Variants in ONECUT1 observed in about 807,000 individuals in gnomAD.
ONECUT1 encodes the protein one cut homeobox 1.
A neutral mutation model predicts 25.6 loss-of-function variants in ONECUT1; 12 were observed. That is an observed-to-expected ratio of 0.47 (90% CI 0.30 to 0.76). The LOEUF is 0.76. Ranked by LOEUF, ONECUT1 falls within the 30% of genes least tolerant of loss-of-function variation. The pLI, the probability that ONECUT1 is intolerant of heterozygous loss-of-function variation, is 0.07. For missense variants in ONECUT1, 620 were observed against 651.2 expected, an observed-to-expected ratio of 0.95 and a Z score of 0.52; for synonymous variants, 285 against 270.2, an observed-to-expected ratio of 1.05 and a Z score of -0.54.
At chr15:52,781,843 G>A (rs1252003059) in intron 1 of ONECUT1, among the ~76,000 whole-genome samples, 1 of 152,100 alleles carries the variant, frequency 6.6e-6, no homozygotes, top group Non-Finnish European at 1.5e-5. Context: ...GGGAACCACT[G>A]GTATAAATGT....
At chr15:52,771,963 T>C (rs956929713) in intron 1 of ONECUT1, among the ~76,000 whole-genome samples, 32 of 152,126 alleles carry the variant, frequency 2.1e-4, no homozygotes, top group African/African-American at 6.8e-4. Flanking sequence ...TTCCTGTGAG[T>C]TCAGGTCCAG....
intron 1 of ONECUT1, among the ~76,000 whole-genome samples, chr15:52,766,414 A>G (rs762923755): frequency 6.6e-6 from 1 of 152,178 alleles, no homozygotes; most frequent in Non-Finnish European, 1.5e-5. Context: ...AGCTGAGGGA[A>G]CGGGTGAAGT....
At chr15:52,765,012 T>A (rs1243963251) in intron 1 of ONECUT1, among the ~76,000 whole-genome samples, 1 of 152,204 alleles carries the variant, frequency 6.6e-6, no homozygotes, top group African/African-American at 2.4e-5. Context: ...CCAGGGCTGC[T>A]ACCCAGATTC....
intron 1 of ONECUT1, among the ~76,000 whole-genome samples, chr15:52,767,572 T>G (rs1470579113): frequency 6.6e-6 from 1 of 152,146 alleles, no homozygotes; most frequent in African/African-American, 2.4e-5. Flanking sequence ...CTTCCCTCCA[T>G]GAAGCTCTCC....
chr15:52,765,846 T>C (rs2083730919), intron 1 of ONECUT1, among the ~76,000 whole-genome samples: 1 of 152,236 alleles, frequency 6.6e-6, no homozygotes, highest in South Asian at 2.1e-4. Context: ...AAGTGGCAAA[T>C]TCAGAGGGCA....
chr15:52,788,926 AG>A lies in ONECUT1; in HGVS notation c.958del (p.Leu320SerfsTer48). 6.2e-7 allele frequency: 1 copy of A among 1,613,812 alleles called. No homozygotes were observed. The highest frequency in any genetic ancestry group is 8.5e-7 in the Non-Finnish European group (1 of 1,179,994). On this transcript the variant is annotated frameshift_variant, in exon 1 of 2. Coordinates refer to ENST00000305901, the MANE Select transcript of ONECUT1 (RefSeq NM_004498.4). LOFTEE classifies it high-confidence loss of function. This position sits in a 1 kb window ranked among gnomAD's most constrained non-coding sequence, Gnocchi z 4.3. ...CGAGAGGGTCCCCTGGGAGCGGCAG[AG>A]CACCCTCTGCGCGAAGATGGCCTGT... ...IPQAIFAQRV[L>X]CRSQGTLSDL...
chr15:52,789,228 T>C lies in ONECUT1; in HGVS notation c.657A>G (p.Glu219=), dbSNP rs762178128. The change falls in exon 1 of 2, where the codon GAA becomes GAG. Residue 219 remains glutamate (E), a synonymous_variant. Transcript: ENST00000305901. The surrounding 1 kb of genome is among the most constrained non-coding windows in gnomAD (Gnocchi z 4.1). ...GGCCGAGCATGGCCGGGTGGTGGGCTTCGAAGCCGTTGGGGGTGAGCATCT... is the reference window on the plus strand; with the variant it reads ...GGCCGAGCATGGCCGGGTGGTGGGCCTCGAAGCCGTTGGGGGTGAGCATCT... ...TDKMLTPNGF[E]AHHPAMLGRH... is the part of the protein sequence containing the mutation. 2.2e-5 allele frequency: 34 copies of C among 1,556,130 alleles called. No homozygotes were observed. The South Asian group carries it at 2.5e-4, about 12-fold the overall frequency.
chr15:52,770,833 C>A (rs940911027), intron 1 of ONECUT1, among the ~76,000 whole-genome samples: 1 of 151,886 alleles, frequency 6.6e-6, no homozygotes, highest in Non-Finnish European at 1.5e-5. Flanking sequence ...ACATCCAGGG[C>A]AAAGGATATG....
At chr15:52,782,859 C>T (rs1413413453) in intron 1 of ONECUT1, among the ~76,000 whole-genome samples, 1 of 152,152 alleles carries the variant, frequency 6.6e-6, no homozygotes, top group Non-Finnish European at 1.5e-5. Flanking sequence ...TTACAAAGAG[C>T]ACAAGCAATG....
rs1566996642 is a variant in ONECUT1, at chr15:52,789,995, C to T, written c.-111G>A. 5 of 1,394,182 alleles carry T rather than the reference C, an allele frequency of 3.6e-6. No individual in the cohort carries two copies. 86.4% of individuals were successfully genotyped at this position (1,394,182 alleles called of 1,614,324 possible). A position where few individuals can be genotyped will look rare whatever the true frequency, so the allele number is the denominator to read the frequency against. ...TCGGCTGCTGGCGACTGTTGCCTTC[C>T]TTCCTCTCACTGTGGGGCTCTGTCT... On this transcript the variant is annotated 5_prime_UTR_variant, in exon 1 of 2. Transcript: ENST00000305901. The surrounding 1 kb of genome is among the most constrained non-coding windows in gnomAD (Gnocchi z 4.1).
chr15:52,757,174 C>T lies in ONECUT1; in HGVS notation c.*381G>A, dbSNP rs2083677806. 2.4e-5 allele frequency: 5 copies of T among 206,830 alleles called. No homozygotes were observed. The highest frequency in any genetic ancestry group is 5.3e-5 in the Admixed American group (1 of 18,860). 12.8% of individuals were successfully genotyped at this position (206,830 alleles called of 1,614,324 possible). A position where few individuals can be genotyped will look rare whatever the true frequency, so the allele number is the denominator to read the frequency against. On this transcript the variant is annotated 3_prime_UTR_variant, in exon 2 of 2. Coordinates refer to ENST00000305901, the MANE Select transcript of ONECUT1 (RefSeq NM_004498.4). ...CACTGGTGGTGGTAGTACTGAGACA[C>T]CATACACCTTCGTGGCATGGTAGAA...
Position 52,789,720 on chromosome 15 carries a change from C to T in ONECUT1, c.165G>A (p.Met55Ile). The change falls in exon 1 of 2, where the codon ATG becomes ATA. Residue 55 changes from methionine (M) to isoleucine (I), a missense_variant. Physicochemically the swap from Met to Ile is conservative, Grantham distance 10 (BLOSUM62 1). Coordinates refer to ENST00000305901, the MANE Select transcript of ONECUT1 (RefSeq NM_004498.4). This position sits in a 1 kb window ranked among gnomAD's most constrained non-coding sequence, Gnocchi z 4.1. ...LPPAHPRSMG[M>I]ASLLDGGSGG... ...CGCTGCCGCCGTCCAGCAGGGACGC[C>T]ATGCCCATGGAGCGCGGGTGCGCGG... 6.9e-7 allele frequency: 1 copy of T among 1,456,736 alleles called. No individual in the cohort carries two copies. The highest frequency in any genetic ancestry group is 9.0e-7 in the Non-Finnish European group (1 of 1,113,290). The allele number at this position is 1,456,736 out of a possible 1,614,324, so 90.2% of individuals were successfully genotyped here.
intron 1 of ONECUT1, among the ~76,000 whole-genome samples, chr15:52,766,553 T>C (rs774373511): frequency 2.4e-4 from 37 of 152,074 alleles, no homozygotes; most frequent in Non-Finnish European, 4.3e-4. Context: ...TCCAGGAAAG[T>C]GGGCTGGATG....
intron 1 of ONECUT1, among the ~76,000 whole-genome samples, chr15:52,766,094 T>A (rs532822218): frequency 6.5e-4 from 99 of 152,308 alleles, no homozygotes; most frequent in African/African-American, 2.3e-3. Context: ...AATAAGAACA[T>A]GCAGAGAGCA....
At position 52,756,109 on chromosome 15, in the gene ONECUT1, T is replaced by A. The variant is rs1188059143; in HGVS notation, c.*1446A>T. Among the ~76,000 whole-genome samples the A allele has an allele frequency of 6.6e-6, 1 of 152,172 alleles. No individual in the cohort carries two copies. The highest frequency in any genetic ancestry group is 1.5e-5 in the Non-Finnish European group (1 of 68,034). ...TTGATTAATACCAATAGATCAAAAG[T>A]CTTGTCGTCCACCAGAACACTGGCT... On this transcript the variant is annotated 3_prime_UTR_variant, in exon 2 of 2. Coordinates refer to ENST00000305901, the MANE Select transcript of ONECUT1 (RefSeq NM_004498.4).
In ONECUT1 at chr15:52,789,961, G is replaced by C; in HGVS notation, c.-77C>G. The C allele has an allele frequency of 6.9e-7, 1 of 1,452,890 alleles. No individual in the cohort carries two copies. Among genetic ancestry groups the C allele is most frequent in the South Asian group, 1.4e-5 (1 of 70,048 alleles). 90.0% of individuals were successfully genotyped at this position (1,452,890 alleles called of 1,614,324 possible). A position where few individuals can be genotyped will look rare whatever the true frequency, so the allele number is the denominator to read the frequency against. Reference sequence around the variant, plus strand: ...GGCGGCGAGGGGCGCACGGAGTCCGGTCTTCACATCGGCTGCTGGCGACTG... The same window carrying C: ...GGCGGCGAGGGGCGCACGGAGTCCGCTCTTCACATCGGCTGCTGGCGACTG... On this transcript the variant is annotated 5_prime_UTR_variant, in exon 1 of 2. Coordinates refer to ENST00000305901, the MANE Select transcript of ONECUT1 (RefSeq NM_004498.4). The surrounding 1 kb of genome is among the most constrained non-coding windows in gnomAD (Gnocchi z 4.1).
chr15:52,782,674 C>T (rs921662864), intron 1 of ONECUT1, among the ~76,000 whole-genome samples: 1 of 152,150 alleles, frequency 6.6e-6, no homozygotes, highest in Non-Finnish European at 1.5e-5. Context: ...TTCAGTAACA[C>T]CTTCCTTCTG....
Position 52,788,520 on chromosome 15 carries a change from C to A in ONECUT1, c.1105+260G>T. ...ACGAGCTTCCCTCGCTGTCCCTGAG[C>A]GCAAATGAGCCTCTTCAGTCGCCGA... is the stretch of plus-strand genomic sequence containing the variant. On this transcript the variant is annotated intron_variant, in intron 1 of 1. Coordinates refer to ENST00000305901, the MANE Select transcript of ONECUT1 (RefSeq NM_004498.4). The surrounding 1 kb of genome is among the most constrained non-coding windows in gnomAD (Gnocchi z 4.3). 1 of 466,256 alleles carries A rather than the reference C, an allele frequency of 2.1e-6. No homozygotes were observed. Among genetic ancestry groups the A allele is most frequent in the Non-Finnish European group, 3.8e-6 (1 of 261,342 alleles). 28.9% of individuals were successfully genotyped at this position (466,256 alleles called of 1,614,324 possible).
At chr15:52,767,057 C>T (rs933072737) in intron 1 of ONECUT1, among the ~76,000 whole-genome samples, 4 of 152,024 alleles carry the variant, frequency 2.6e-5, no homozygotes, top group African/African-American at 9.7e-5. Context: ...ACAATAAGGG[C>T]GTGAGGGAGA....
Sources: allele counts gnomAD v4.1 joint callset (sites outside exome capture counted in the v4.1 genomes callset), GRCh38; gene constraint gnomAD v4.1.1; non-coding constraint Gnocchi (gnomAD v3.1); transcripts MANE v1.5; gene names NCBI Gene and HGNC (gene_info 2026-07-23, HGNC 2026-07-21).